The following APAF1 variants were observed in gnomAD, a reference collection of about 807,000 sequenced individuals.
APAF1 encodes apoptotic protease-activating factor 1.
A neutral mutation model predicts 152.4 loss-of-function variants in APAF1; 91 were observed. The observed-to-expected ratio is 0.60, with a 90% CI of 0.50 to 0.71. The LOEUF (loss-of-function observed/expected upper bound fraction) is 0.71, where lower values mean the gene tolerates loss of function less well. Among genes scored for constraint, APAF1 ranks in the 30% least tolerant of loss-of-function variants. The pLI is 0.00. For synonymous variants in APAF1, 484 were observed against 494.1 expected (o/e 0.98, Z 0.27); for missense variants, 1,283 against 1,472.0 (o/e 0.87, Z 2.10).
At chr12:98,728,427 T>A (rs1473238946) in intron 26 of APAF1, among the ~76,000 whole-genome samples, 1 of 152,146 alleles carries the variant, frequency 6.6e-6, no homozygotes, top group Non-Finnish European at 1.5e-5. Flanking sequence ...TTCCTAAAGT[T>A]ACATAATTAG....
intron 22 of APAF1, among the ~76,000 whole-genome samples, chr12:98,720,193 G>A (rs1472660490): frequency 5.9e-5 from 9 of 152,146 alleles, no homozygotes; most frequent in Non-Finnish European, 4.4e-5. Flanking sequence ...ACGATTTCAG[G>A]TATTCTCAGC....
chr12:98,649,645 T>G lies in APAF1; in HGVS notation c.487T>G (p.Leu163Val). The change falls in exon 4 of 27, where the codon TTA (leucine) becomes GTA (valine). Residue 163 changes from leucine to valine, a missense_variant. By Grantham distance (32) the Leu-to-Val change is conservative. Coordinates refer to ENST00000551964, the MANE Select transcript of APAF1 (RefSeq NM_181861.2). Reference sequence around the variant, plus strand: ...AATGGCAGGCTGTGGGAAGTCTGTATTAGCTGCAGAAGCTGTTAGAGATCA... The same window carrying G: ...AATGGCAGGCTGTGGGAAGTCTGTAGTAGCTGCAGAAGCTGTTAGAGATCA... The part of the protein sequence containing the change: ...HGMAGCGKSV[L>V]AAEAVRDHSL... 6.2e-7 allele frequency: 1 copy of G among 1,614,142 alleles called. No homozygotes were observed. Among genetic ancestry groups the G allele is most frequent in the Non-Finnish European group, 8.5e-7 (1 of 1,179,994 alleles).
chr12:98,655,437 G>A (rs548026818), intron 4 of APAF1, among the ~76,000 whole-genome samples: 3,363 of 150,540 alleles, frequency 0.022, 59 homozygotes, highest in African/African-American at 0.078. Context: ...CTCCCGGACG[G>A]GGCGGCCGGC....
intron 26 of APAF1, among the ~76,000 whole-genome samples, chr12:98,731,153 T>A (rs2097760630): frequency 6.6e-6 from 1 of 152,308 alleles, no homozygotes; most frequent in African/African-American, 2.4e-5. Flanking sequence ...TTAACTTCTG[T>A]GCCTTGATTT....
rs989552014 is a variant in APAF1, at chr12:98,648,601, TACTAA to T, written c.139-20_139-16del. On this transcript the variant is annotated intron_variant, in intron 2 of 26. Coordinates refer to ENST00000551964, the MANE Select transcript of APAF1 (RefSeq NM_181861.2). ...TGTTGCATACATATTCATTGTTGTA[TACTAA>T]ACTACTTAATTTTTTTTAGCCCACT... is the stretch of plus-strand genomic sequence containing the variant. 5 of 1,612,074 alleles carry T rather than the reference TACTAA, an allele frequency of 3.1e-6. No individual in the cohort carries two copies. Among genetic ancestry groups the T allele is most frequent in the Non-Finnish European group, 4.2e-6 (5 of 1,179,144 alleles).
intron 4 of APAF1, among the ~76,000 whole-genome samples, chr12:98,650,588 A>C (rs1414569388): frequency 1.3e-5 from 2 of 151,990 alleles, no homozygotes; most frequent in Non-Finnish European, 2.9e-5. Context: ...GTAAGCCTCT[A>C]AGAGACTTAG....
At chr12:98,713,593 G>A (rs979436350) in intron 21 of APAF1, among the ~76,000 whole-genome samples, 11 of 152,190 alleles carry the variant, frequency 7.2e-5, no homozygotes, top group African/African-American at 2.7e-4. Flanking sequence ...TATAATAAAA[G>A]GCATTTTGGG....
chr12:98,666,122 A>G (rs11109564), intron 8 of APAF1, 68 bp from the exon 9 acceptor site: 276,814 of 1,449,006 alleles, frequency 0.19, 27,621 homozygotes, highest in Non-Finnish European at 0.21. Context: ...TGTGTGTGTG[A>G]TAATACCTGT....
At chr12:98,719,567 T>G (rs1244069195) in intron 22 of APAF1, among the ~76,000 whole-genome samples, 2 of 151,578 alleles carry the variant, frequency 1.3e-5, no homozygotes, top group African/African-American at 2.4e-5. Flanking sequence ...TTGGCCAGGA[T>G]GGTCTCGATC....
At chr12:98,673,789 C>G (rs1445881875) in intron 12 of APAF1, among the ~76,000 whole-genome samples, 1 of 152,076 alleles carries the variant, frequency 6.6e-6, no homozygotes, top group Non-Finnish European at 1.5e-5. Flanking sequence ...AGTTCAAAAT[C>G]TCGTAGTGAA....
intron 16 of APAF1, among the ~76,000 whole-genome samples, chr12:98,689,055 T>G (rs963843021): frequency 2.6e-5 from 4 of 152,116 alleles, no homozygotes; most frequent in Non-Finnish European, 5.9e-5. Context: ...GCTCGAGTAG[T>G]CTGCCTGCCT....
intron 20 of APAF1, 23 bp downstream of exon 20, chr12:98,708,727 T>G (rs761053474): frequency 1.9e-6 from 3 of 1,609,262 alleles, no homozygotes; most frequent in Non-Finnish European, 2.5e-6. Context: ...TAGAAAACAA[T>G]TGGAAAATTG....
chr12:98,699,213 A>G (rs1018190835), intron 16 of APAF1, among the ~76,000 whole-genome samples, 195 bp from the exon 17 acceptor site: 5 of 152,160 alleles, frequency 3.3e-5, no homozygotes, highest in African/African-American at 7.2e-5. Flanking sequence ...CAGTGCTTCT[A>G]ATTTTTTCTT....
rs1192951413 is a variant in APAF1, at chr12:98,733,071, A to G, written c.*505A>G. ...CTTTAAAAATATTGTGTCTGTGTGC[A>G]TAGTCTGCAGCATTTCCTTTAATTG... On this transcript the variant is annotated 3_prime_UTR_variant, in exon 27 of 27. Transcript: ENST00000551964. 6.3e-6 allele frequency: 1 copy of G among 158,508 alleles called. No homozygotes were observed. Among genetic ancestry groups the G allele is most frequent in the Non-Finnish European group, 1.4e-5 (1 of 72,698 alleles). The allele number at this position is 158,508 out of a possible 1,614,324, so 9.8% of individuals were successfully genotyped here.
At chr12:98,656,947 T>C (rs1012660077) in intron 4 of APAF1, among the ~76,000 whole-genome samples, 2 of 152,208 alleles carry the variant, frequency 1.3e-5, no homozygotes, top group Non-Finnish European at 2.9e-5. Context: ...AGTTCGTAGA[T>C]TATAACCTTC....
At chr12:98,714,496 C>G (rs1216297208) in intron 21 of APAF1, among the ~76,000 whole-genome samples, 1 of 152,170 alleles carries the variant, frequency 6.6e-6, no homozygotes, top group Non-Finnish European at 1.5e-5. Context: ...GATGTCTAAA[C>G]TCTTATTTCC....
chr12:98,724,730 G>A (rs79955712), intron 24 of APAF1, among the ~76,000 whole-genome samples: 12,423 of 126,840 alleles, frequency 0.098, 679 homozygotes, highest in East Asian at 0.36. Context: ...CTAACTGTTC[G>A]TGAGCCTGTC....
At chr12:98,669,096 T>C (rs1027053030) in intron 10 of APAF1, among the ~76,000 whole-genome samples, 1 of 152,242 alleles carries the variant, frequency 6.6e-6, no homozygotes, top group Non-Finnish European at 1.5e-5. Context: ...CATTTAATAG[T>C]GTATATTGGA....
intron 5 of APAF1, among the ~76,000 whole-genome samples, chr12:98,659,757 A>AG (rs2097662542): frequency 6.7e-6 from 1 of 150,204 alleles, no homozygotes; most frequent in South Asian, 2.1e-4. Context: ...CATCAGAAAA[A>AG]AAAAAAAAAA....
Sources: gnomAD v4.1 joint callset for allele counts (sites outside exome capture counted in the v4.1 genomes callset) on GRCh38, gnomAD v4.1.1 for gene constraint, MANE v1.5 for transcripts, NCBI Gene and HGNC (gene_info 2026-07-23, HGNC 2026-07-21) for gene names.